RALGPS1: variants seen among roughly 807,000 people sequenced by gnomAD.
RALGPS1 encodes ras-specific guanine nucleotide-releasing factor RalGPS1.
RALGPS1 carries 19 observed loss-of-function variants against 78.8 expected under a neutral mutation model. The ratio of observed to expected loss-of-function variants is 0.24; its 90% confidence interval spans 0.17 to 0.35. The LOEUF (loss-of-function observed/expected upper bound fraction) is 0.35. Ranked by LOEUF, RALGPS1 falls within the 10% of genes least tolerant of loss-of-function variation. The pLI, the probability that RALGPS1 is intolerant of heterozygous loss-of-function variation, is 1.00. For missense variants in RALGPS1, 454 were observed against 688.3 expected (o/e 0.66, Z 3.81); for synonymous variants, 228 against 256.3 (o/e 0.89, Z 1.06).
chr9:127,026,545 C>A (rs2045977335), intron 4 of RALGPS1, among the ~76,000 whole-genome samples: 1 of 152,174 alleles, frequency 6.6e-6, no homozygotes, highest in Non-Finnish European at 1.5e-5. Context: ...ATTTGTTTTA[C>A]AAAATGTTTT....
At chr9:127,000,638 T>G (rs1310105403) in intron 4 of RALGPS1, among the ~76,000 whole-genome samples, 2 of 136,414 alleles carry the variant, frequency 1.5e-5, no homozygotes, top group African/African-American at 2.7e-5. Flanking sequence ...AACCTTTGCT[T>G]CCCAGGTTCA....
chr9:127,029,179 G>A (rs1223397323), intron 4 of RALGPS1, among the ~76,000 whole-genome samples: 5 of 152,090 alleles, frequency 3.3e-5, no homozygotes, highest in Non-Finnish European at 5.9e-5. Flanking sequence ...TGAAGGACAC[G>A]CCAGCCATTC....
chr9:127,222,043 T>C lies in RALGPS1; in HGVS notation c.*3274T>C, dbSNP rs1006695191. 1 of 152,216 alleles carries C rather than the reference T, an allele frequency of 6.6e-6. No individual in the cohort carries two copies. The highest frequency in any genetic ancestry group is 2.4e-5 in the African/African-American group (1 of 41,466). 9.4% of individuals were successfully genotyped at this position (152,216 alleles called of 1,614,324 possible). A position where few individuals can be genotyped will look rare whatever the true frequency, so the allele number is the denominator to read the frequency against. On this transcript the variant is annotated 3_prime_UTR_variant, in exon 19 of 19. Coordinates refer to ENST00000259351, the MANE Select transcript of RALGPS1 (RefSeq NM_014636.3). ...GGTTTCATGTTAAAAAACAAACTCC[T>C]AGTCCTTTAGAAATAACAGATTCTC...
intron 11 of RALGPS1, among the ~76,000 whole-genome samples, chr9:127,176,444 A>G (rs2059881359): frequency 6.6e-6 from 1 of 152,178 alleles, no homozygotes; most frequent in South Asian, 2.1e-4. Context: ...TTCCTATCAG[A>G]AGACTGTAGG....
intron 10 of RALGPS1, among the ~76,000 whole-genome samples, chr9:127,169,144 T>C (rs550210290): frequency 6.6e-6 from 1 of 152,316 alleles, no homozygotes; most frequent in South Asian, 2.1e-4. Context: ...GCTCTGGTTC[T>C]CACAAGTGAC....
chr9:127,197,163 T>C (rs1332942910), intron 13 of RALGPS1, among the ~76,000 whole-genome samples: 2 of 152,140 alleles, frequency 1.3e-5, no homozygotes, highest in Non-Finnish European at 2.9e-5. Flanking sequence ...ACGTGGTGCT[T>C]ATGGCAACAG....
At chr9:127,172,376 C>G (rs1443251923) in intron 10 of RALGPS1, among the ~76,000 whole-genome samples, 2 of 152,126 alleles carry the variant, frequency 1.3e-5, no homozygotes, top group Non-Finnish European at 2.9e-5. Context: ...TGAAGAATTC[C>G]TTAAAGTTCA....
intron 4 of RALGPS1, among the ~76,000 whole-genome samples, chr9:127,001,535 C>T (rs1361124435): frequency 6.6e-6 from 1 of 152,090 alleles, no homozygotes; most frequent in Non-Finnish European, 1.5e-5. Flanking sequence ...CAGTGTATGT[C>T]TATTTACCTC....
intron 1 of RALGPS1, among the ~76,000 whole-genome samples, chr9:126,926,783 CTGGCTAGG>C (rs1435853499): frequency 1.3e-5 from 2 of 151,944 alleles, no homozygotes; most frequent in Non-Finnish European, 2.9e-5. Flanking sequence ...TGATGGGGTC[CTGGCTAGG>C]TGGATGGGGA....
chr9:127,099,153 G>A (rs994403259), intron 8 of RALGPS1, among the ~76,000 whole-genome samples: 1 of 152,172 alleles, frequency 6.6e-6, no homozygotes, highest in African/African-American at 2.4e-5. Context: ...TTTATCCCCT[G>A]AGTCCAGCCC....
chr9:127,088,858 G>T, intron 8 of RALGPS1: 1 of 1,517,460 alleles, frequency 6.6e-7, no homozygotes, highest in Non-Finnish European at 9.1e-7. Context: ...AACTGGTGAG[G>T]AGTTGTTCTT....
At chr9:127,059,468 C>T (rs1025727133) in intron 7 of RALGPS1, among the ~76,000 whole-genome samples, 3 of 152,222 alleles carry the variant, frequency 2.0e-5, no homozygotes, top group African/African-American at 7.2e-5. Flanking sequence ...CAACAATGGA[C>T]ACTGTTCATA....
intron 5 of RALGPS1, 54 bp from the exon 6 acceptor site, chr9:127,049,989 A>G: frequency 5.2e-6 from 7 of 1,355,318 alleles, no homozygotes; most frequent in Non-Finnish European, 6.3e-6. Context: ...TGGTCCAGCA[A>G]TTAACAACTT....
chr9:127,015,473 G>A (rs2044726893), intron 4 of RALGPS1, among the ~76,000 whole-genome samples: 1 of 152,112 alleles, frequency 6.6e-6, no homozygotes, highest in Non-Finnish European at 1.5e-5. Flanking sequence ...CTCAGCCTGG[G>A]AACAGGACTG....
intron 8 of RALGPS1, among the ~76,000 whole-genome samples, chr9:127,165,285 G>A (rs2059238703): frequency 6.6e-6 from 1 of 152,236 alleles, no homozygotes; most frequent in Non-Finnish European, 1.5e-5. Flanking sequence ...CTGAAGCTCG[G>A]CCCTGCAGCT....
intron 8 of RALGPS1, among the ~76,000 whole-genome samples, chr9:127,080,621 G>T (rs2051084277): frequency 6.6e-6 from 1 of 152,270 alleles, no homozygotes; most frequent in East Asian, 1.9e-4. Context: ...GTTCTTTCTG[G>T]TAGCTCTTTG....
At chr9:127,010,507 C>T (rs563236010) in intron 4 of RALGPS1, among the ~76,000 whole-genome samples, 2 of 152,298 alleles carry the variant, frequency 1.3e-5, no homozygotes, top group East Asian at 3.9e-4. Context: ...GGTTGAGAGC[C>T]GAGCACTCTC....
chr9:127,005,480 T>C (rs1469294413), intron 4 of RALGPS1, among the ~76,000 whole-genome samples: 1 of 152,178 alleles, frequency 6.6e-6, no homozygotes, highest in East Asian at 1.9e-4. Flanking sequence ...CAGCGTGCAT[T>C]GATGTCAAAG....
At chr9:126,951,721 G>C (rs563623881) in intron 1 of RALGPS1, among the ~76,000 whole-genome samples, 1 of 152,216 alleles carries the variant, frequency 6.6e-6, no homozygotes, top group Non-Finnish European at 1.5e-5. Context: ...CATACTGAAT[G>C]GGTAAAAAAC....
Sources: allele counts gnomAD v4.1 joint callset (sites outside exome capture counted in the v4.1 genomes callset), GRCh38; gene constraint gnomAD v4.1.1; transcripts MANE v1.5; gene names NCBI Gene and HGNC (gene_info 2026-07-23, HGNC 2026-07-21).